The following DPP10 variants were observed in gnomAD, a reference collection of about 807,000 sequenced individuals.
DPP10 encodes the protein inactive dipeptidyl peptidase 10.
A neutral mutation model predicts 120.9 loss-of-function variants in DPP10; 33 were observed. The observed-to-expected ratio is 0.27, with a 90% CI of 0.21 to 0.37. The LOEUF (loss-of-function observed/expected upper bound fraction) is 0.37, where lower values mean the gene tolerates loss of function less well. DPP10 is among the 10% of genes least tolerant of loss of function. The probability of loss-of-function intolerance (pLI) is 1.00; values close to 1 mark genes in which losing one functional copy is unlikely to be tolerated. For missense variants in DPP10, 816 were observed against 942.8 expected, an observed-to-expected ratio of 0.87 and a Z score of 1.76; for synonymous variants, 337 against 326.1, an observed-to-expected ratio of 1.03 and a Z score of -0.36.
At chr2:114,531,252 G>T (rs1302368253) in intron 1 of DPP10, among the ~76,000 whole-genome samples, 2 of 152,044 alleles carry the variant, frequency 1.3e-5, no homozygotes, top group Admixed American at 1.3e-4. Context: ...CCAAAACCTA[G>T]TTTCCTTCAA....
intron 1 of DPP10, among the ~76,000 whole-genome samples, chr2:115,152,250 T>C (rs1340260512): frequency 6.6e-6 from 1 of 152,234 alleles, no homozygotes; most frequent in Non-Finnish European, 1.5e-5. Flanking sequence ...AAGATAGTCA[T>C]AAGCAATATG....
At position 114,904,754 on chromosome 2, in the gene DPP10, T is replaced by C. The variant is rs1219294236; in HGVS notation, c.61-404485T>C. Among the ~76,000 whole-genome samples, 4 of 152,152 alleles carry C rather than the reference T, an allele frequency of 2.6e-5. No homozygotes were observed. In the East Asian group the frequency reaches 7.7e-4, roughly 29 times the overall value. ...CATTAAATTTCACAGGATGAGTAGA[T>C]AGAACAATTTGGCTGCAAATGTATT... On this transcript the variant is annotated intron_variant, in intron 1 of 25. Coordinates refer to ENST00000410059, the MANE Select transcript of DPP10 (RefSeq NM_020868.6).
intron 11 of DPP10, among the ~76,000 whole-genome samples, chr2:115,754,010 T>G (rs1432654478): frequency 1.3e-5 from 2 of 152,156 alleles, no homozygotes; most frequent in Non-Finnish European, 2.9e-5. Context: ...ACTGTAAAAT[T>G]GTACAAAATA....
intron 7 of DPP10, among the ~76,000 whole-genome samples, chr2:115,722,345 C>T (rs1334710805): frequency 1.3e-5 from 2 of 151,634 alleles, no homozygotes; most frequent in Admixed American, 6.6e-5. Context: ...CACTGTACCT[C>T]CTCCCATATT....
chr2:114,528,581 C>G (rs571518273), intron 1 of DPP10, among the ~76,000 whole-genome samples: 16 of 151,662 alleles, frequency 1.1e-4, no homozygotes, highest in African/African-American at 3.6e-4. Flanking sequence ...TGGTTATGAC[C>G]AGTGGCTACA....
chr2:115,685,068 C>A (rs183613904), intron 5 of DPP10, among the ~76,000 whole-genome samples: 69 of 152,026 alleles, frequency 4.5e-4, no homozygotes, highest in Non-Finnish European at 9.0e-4. Flanking sequence ...CTGTTTCCTA[C>A]TTAAACTTTC....
chr2:114,673,908 C>A (rs1698507795), intron 1 of DPP10, among the ~76,000 whole-genome samples: 1 of 151,940 alleles, frequency 6.6e-6, no homozygotes, highest in Non-Finnish European at 1.5e-5. Context: ...GATACTCGAA[C>A]CTGAATTTCT....
chr2:115,828,545 T>C (rs1688609623), intron 21 of DPP10, among the ~76,000 whole-genome samples: 1 of 152,196 alleles, frequency 6.6e-6, no homozygotes, highest in Non-Finnish European at 1.5e-5. Flanking sequence ...TGTTCAATTT[T>C]TTTTTTAAAA....
intron 3 of DPP10, among the ~76,000 whole-genome samples, chr2:115,467,736 A>T (rs1193684028): frequency 6.6e-6 from 1 of 152,242 alleles, no homozygotes; most frequent in African/African-American, 2.4e-5. Context: ...TATTAGAATA[A>T]TGACACTTGA....
At chr2:114,919,511 A>T (rs1414522977) in intron 1 of DPP10, among the ~76,000 whole-genome samples, 1 of 152,204 alleles carries the variant, frequency 6.6e-6, no homozygotes, top group Non-Finnish European at 1.5e-5. Flanking sequence ...GATTCTAATT[A>T]TTTTTTAAAT....
At chr2:115,739,310 C>G (rs1676968035) in intron 8 of DPP10, among the ~76,000 whole-genome samples, 1 of 151,606 alleles carries the variant, frequency 6.6e-6, no homozygotes, top group South Asian at 2.1e-4. Flanking sequence ...ATTCCATTTT[C>G]TTAGAGCTTA....
intron 1 of DPP10, among the ~76,000 whole-genome samples, chr2:114,892,597 C>T (rs951990342): frequency 1.3e-5 from 2 of 152,144 alleles, no homozygotes; most frequent in Non-Finnish European, 2.9e-5. Flanking sequence ...AAGGACAGAC[C>T]GCTGAGCCCC....
intron 1 of DPP10, chr2:114,835,617 A>G (rs1433091819): frequency 6.6e-6 from 1 of 152,148 alleles, no homozygotes; most frequent in Non-Finnish European, 1.5e-5. Flanking sequence ...ATTTAATCCA[A>G]TCAGTCTTGG....
At chr2:115,086,705 C>T (rs992617788) in intron 1 of DPP10, among the ~76,000 whole-genome samples, 13 of 152,164 alleles carry the variant, frequency 8.5e-5, no homozygotes, top group Non-Finnish European at 1.6e-4. Flanking sequence ...ACCTGCTCGC[C>T]TCGGCCTCCC....
At chr2:115,225,949 C>T (rs369683830) in intron 1 of DPP10, among the ~76,000 whole-genome samples, 2 of 151,994 alleles carry the variant, frequency 1.3e-5, no homozygotes, top group Admixed American at 6.6e-5. Flanking sequence ...CTCAGTTTGG[C>T]GCTACCTTTT....
At chr2:114,700,853 G>A (rs1392725057) in intron 1 of DPP10, among the ~76,000 whole-genome samples, 2 of 152,050 alleles carry the variant, frequency 1.3e-5, no homozygotes, top group African/African-American at 4.8e-5. Context: ...GAGACTGTGA[G>A]GAATTTACAC....
intron 1 of DPP10, among the ~76,000 whole-genome samples, chr2:115,009,158 A>C (rs1702073998): frequency 7.0e-6 from 1 of 143,148 alleles, no homozygotes; most frequent in Non-Finnish European, 1.5e-5. Context: ...TATTCACAAT[A>C]GCAAAGACTT....
intron 5 of DPP10, among the ~76,000 whole-genome samples, chr2:115,562,582 A>G (rs1349571702): frequency 6.6e-6 from 1 of 152,212 alleles, no homozygotes; most frequent in Non-Finnish European, 1.5e-5. Flanking sequence ...TAATAAACAT[A>G]GATTACCAGT....
rs1157972104 is a variant in DPP10, at chr2:114,481,954, G to GGAGAGGAGGAGAGGAGAGAGAGA, written c.60+39124_60+39125insGAGAGGAGAGAGAGAGAGAGGAG. Among the ~76,000 whole-genome samples, 180 of 150,140 alleles carry GGAGAGGAGGAGAGGAGAGAGAGA rather than the reference G, an allele frequency of 1.2e-3. 1 individual carries two copies. Among genetic ancestry groups the GGAGAGGAGGAGAGGAGAGAGAGA allele is most frequent in the African/African-American group, 4.4e-3 (177 of 40,600 alleles). On this transcript the variant is annotated intron_variant, in intron 1 of 25. Coordinates refer to ENST00000410059, the MANE Select transcript of DPP10 (RefSeq NM_020868.6). ...GAAAGAGAAGAAGGAGAAGAGAGGA[G>GGAGAGGAGGAGAGGAGAGAGAGA]GAGAGGAGAGAGAGAGAGAGGAGAG...
Sources: allele counts gnomAD v4.1 joint callset (sites outside exome capture counted in the v4.1 genomes callset), GRCh38; gene constraint gnomAD v4.1.1; transcripts MANE v1.5; gene names NCBI Gene and HGNC (gene_info 2026-07-23, HGNC 2026-07-21).